RWDD3: variants seen among roughly 807,000 people sequenced by gnomAD.
RWDD3 encodes RWD domain containing 3.
In RWDD3, 30 loss-of-function variants were observed where a neutral mutation model predicts 26.5. The observed-to-expected ratio is 1.13, with a 90% CI of 0.85 to 1.54. The LOEUF (loss-of-function observed/expected upper bound fraction) is 1.54. Ranked by LOEUF, RWDD3 falls within the 40% of genes most tolerant of loss-of-function variation. The pLI is 0.00. For missense variants in RWDD3, 296 were observed against 309.1 expected, an observed-to-expected ratio of 0.96 and a Z score of 0.32; for synonymous variants, 113 against 114.5, an observed-to-expected ratio of 0.99 and a Z score of 0.09.
intron 1 of RWDD3, among the ~76,000 whole-genome samples, chr1:95,236,658 A>G (rs1481748685): frequency 6.6e-6 from 1 of 152,198 alleles, no homozygotes. Context: ...CTGATTGGAT[A>G]ATTCTTCACC....
intron 1 of RWDD3, chr1:95,239,928 C>T: frequency 1.6e-6 from 2 of 1,289,642 alleles, no homozygotes; most frequent in Non-Finnish European, 2.0e-6. Context: ...TTATATGGCA[C>T]AGGTTGGAGA....
intron 1 of RWDD3, among the ~76,000 whole-genome samples, chr1:95,242,393 A>T (rs1680668055): frequency 6.6e-6 from 1 of 152,178 alleles, no homozygotes; most frequent in Non-Finnish European, 1.5e-5. Context: ...CCTTGAGCTT[A>T]GTAGGTGTTC....
intron 1 of RWDD3, 92 bp downstream of exon 1, chr1:95,234,407 C>T (rs1415132652): frequency 1.7e-6 from 2 of 1,176,974 alleles, no homozygotes; most frequent in Non-Finnish European, 2.5e-6. Flanking sequence ...CTGGGCACCC[C>T]GCCTGGGCCC....
chr1:95,244,784 A>C (rs1680783173), intron 2 of RWDD3, 86 bp downstream of exon 2: 1 of 1,368,180 alleles, frequency 7.3e-7, no homozygotes, highest in South Asian at 1.4e-5. Flanking sequence ...TAACAATGGG[A>C]TAGATTAATT....
In RWDD3 at chr1:95,240,517, T is replaced by G. The variant is rs543074538; in HGVS notation, c.86-3694T>G. ...GGACAAAATTTTAGTAGACAGAAAG[T>G]TAAGGGCCTTCTTGGAGATAATGGG... On this transcript the variant is annotated intron_variant, in intron 1 of 3. Transcript: ENST00000370202. Among the ~76,000 whole-genome samples the G allele has an allele frequency of 2.0e-5, 3 of 152,160 alleles. No homozygotes were observed. The East Asian group carries it at 5.8e-4, about 29-fold the overall frequency.
chr1:95,235,237 A>C (rs1252717602), intron 1 of RWDD3, among the ~76,000 whole-genome samples: 1 of 143,154 alleles, frequency 7.0e-6, no homozygotes, highest in Admixed American at 7.1e-5. Context: ...TTTTTTTAGT[A>C]GAGACAGGGT....
At chr1:95,246,722 A>G (rs1557723896) in intron 3 of RWDD3, 34 bp from the exon 4 acceptor site, 1 of 1,529,960 alleles carries the variant, frequency 6.5e-7, no homozygotes, top group Non-Finnish European at 8.9e-7. Context: ...TGACAAATCT[A>G]GGCATATTCA....
Position 95,236,219 on chromosome 1 carries a change from G to T in RWDD3, c.85+1904G>T, listed in dbSNP as rs1177369205. Among the ~76,000 whole-genome samples, 5 of 152,020 alleles carry T rather than the reference G, an allele frequency of 3.3e-5. No homozygotes were observed. In the East Asian group the frequency reaches 7.7e-4, roughly 24 times the overall value. On this transcript the variant is annotated intron_variant, in intron 1 of 3. Coordinates refer to ENST00000370202, the MANE Select transcript of RWDD3 (RefSeq NM_015485.5). The stretch of plus-strand genomic sequence containing the variant: ...CACACGCCTGTGATCCTTGCTACTC[G>T]GGAGGCTGAGGCAGGAGAATCACTT...
At chr1:95,240,130 C>T (rs1187446029) in intron 1 of RWDD3, among the ~76,000 whole-genome samples, 1 of 152,192 alleles carries the variant, frequency 6.6e-6, no homozygotes, top group Non-Finnish European at 1.5e-5. Flanking sequence ...AAATCGTTAA[C>T]TTAATCATGT....
At chr1:95,243,548 A>G (rs1030502992) in intron 1 of RWDD3, 4 of 152,380 alleles carry the variant, frequency 2.6e-5, no homozygotes, top group Admixed American at 2.6e-4. Context: ...AGAGGATTTC[A>G]TATGATATCC....
chr1:95,246,576 AT>A lies in RWDD3; in HGVS notation c.609del (p.Asp203GlufsTer13), dbSNP rs1317763353. On this transcript the variant is annotated frameshift_variant, in exon 3 of 4. Transcript: ENST00000370202. LOFTEE classifies it high-confidence loss of function. Reference sequence around the variant, plus strand: ...ATTCTTCAGAAAACCTCCAAAGTAGATGTGGACTCAAGTGGAAAGAAATGCA... The same window carrying A: ...ATTCTTCAGAAAACCTCCAAAGTAGAGTGGACTCAAGTGGAAAGAAATGCA... ...YLILQKTSKV[D>X]VDSSGKKCKE... is the part of the protein sequence containing the mutation. 6.2e-7 allele frequency: 1 copy of A among 1,611,996 alleles called. No individual in the cohort carries two copies. The highest frequency in any genetic ancestry group is 1.3e-5 in the African/African-American group (1 of 74,980).
intron 1 of RWDD3, among the ~76,000 whole-genome samples, chr1:95,240,820 G>A (rs1680586667): frequency 2.0e-5 from 3 of 151,776 alleles, no homozygotes; most frequent in Admixed American, 2.0e-4. Context: ...GGATTTGGCA[G>A]TTGAATGCTA....
chr1:95,244,426 C>T lies in RWDD3; in HGVS notation c.301C>T (p.His101Tyr). ...GAGCCTTTTGTCGGAGCCTATGGTT[C>T]ATGAGCTGGTTCTCTGGATTCAGCA... is the stretch of plus-strand genomic sequence containing the variant. ...AESLLSEPMV[H>Y]ELVLWIQQNL... Residue 101 changes from histidine (H) to tyrosine (Y), a missense_variant, in exon 2 of 4, where the codon CAT becomes TAT. By Grantham distance (83) the His-to-Tyr change is moderately conservative. Coordinates refer to ENST00000370202, the MANE Select transcript of RWDD3 (RefSeq NM_015485.5). The T allele has an allele frequency of 6.2e-7, 1 of 1,614,196 alleles. No homozygotes were observed. The highest frequency in any genetic ancestry group is 8.5e-7 in the Non-Finnish European group (1 of 1,180,040).
In RWDD3 at chr1:95,246,962, T is replaced by G. The variant is rs1472046484; in HGVS notation, c.*92T>G. The G allele has an allele frequency of 2.9e-6, 2 of 697,350 alleles. No homozygotes were observed. The highest frequency in any genetic ancestry group is 1.9e-5 in the African/African-American group (1 of 53,378). The allele number at this position is 697,350 out of a possible 1,614,324, so 43.2% of individuals were successfully genotyped here. ...AGTGGTTAATTGAAATAGTCAATTT[T>G]AAAGTTTCTCTGAAGCAAAATGATA... is the stretch of plus-strand genomic sequence containing the variant. On this transcript the variant is annotated 3_prime_UTR_variant, in exon 4 of 4. Transcript: ENST00000370202.
At chr1:95,241,365 T>A (rs1377664378) in intron 1 of RWDD3, among the ~76,000 whole-genome samples, 1 of 151,652 alleles carries the variant, frequency 6.6e-6, no homozygotes, top group Non-Finnish European at 1.5e-5. Context: ...TTCAATGGGG[T>A]GATGTAGAGG....
chr1:95,241,891 C>T (rs909281043), intron 1 of RWDD3, among the ~76,000 whole-genome samples: 5 of 152,028 alleles, frequency 3.3e-5, no homozygotes, highest in Admixed American at 2.0e-4. Flanking sequence ...AGCAGTCATG[C>T]ACCCACAGAT....
At chr1:95,245,592 A>G (rs1413425313) in intron 2 of RWDD3, among the ~76,000 whole-genome samples, 1 of 152,190 alleles carries the variant, frequency 6.6e-6, no homozygotes, top group African/African-American at 2.4e-5. Flanking sequence ...AACCAGACTC[A>G]TGCTGGGTTA....
At chr1:95,236,502 G>GTTA (rs1016079724) in intron 1 of RWDD3, among the ~76,000 whole-genome samples, 1 of 152,192 alleles carries the variant, frequency 6.6e-6, no homozygotes, top group Non-Finnish European at 1.5e-5. Flanking sequence ...ATTGGGCACT[G>GTTA]TTATGTTCCA....
intron 1 of RWDD3, among the ~76,000 whole-genome samples, chr1:95,239,421 G>C (rs1424665138): frequency 6.6e-6 from 1 of 152,206 alleles, no homozygotes; most frequent in Non-Finnish European, 1.5e-5. Context: ...ATGTCAAGCA[G>C]ATGAGATATG....
Sources: allele counts gnomAD v4.1 joint callset (sites outside exome capture counted in the v4.1 genomes callset), GRCh38; gene constraint gnomAD v4.1.1; transcripts MANE v1.5; gene names NCBI Gene and HGNC (gene_info 2026-07-23, HGNC 2026-07-21).